The following LRMDA variants were observed in gnomAD, a reference collection of about 807,000 sequenced individuals.
LRMDA encodes the protein leucine-rich melanocyte differentiation-associated protein.
LRMDA carries 18 observed loss-of-function variants against 29.8 expected under a neutral mutation model. That is an observed-to-expected ratio of 0.60 (90% CI 0.42 to 0.90). The LOEUF is 0.90. LRMDA is among the 40% of genes least tolerant of loss of function. The probability of loss-of-function intolerance (pLI) is 0.00; values close to 1 mark genes in which losing one functional copy is unlikely to be tolerated. For synonymous variants in LRMDA, 125 were observed against 109.4 expected (o/e 1.14, Z -0.89); for missense variants, 273 against 273.9 (o/e 1.00, Z 0.02).
intron 2 of LRMDA, among the ~76,000 whole-genome samples, chr10:75,586,495 C>A (rs918329095): frequency 6.6e-6 from 1 of 151,904 alleles, no homozygotes; most frequent in East Asian, 1.9e-4. Context: ...GTAGCTGGGA[C>A]CACAGGTATG....
chr10:75,627,384 T>C (rs1304169156), intron 2 of LRMDA, among the ~76,000 whole-genome samples: 1 of 152,204 alleles, frequency 6.6e-6, no homozygotes, highest in Non-Finnish European at 1.5e-5. Flanking sequence ...GTTCTTCTGT[T>C]CTCCAGATAT....
At chr10:75,726,029 G>C (rs1436750081) in intron 2 of LRMDA, among the ~76,000 whole-genome samples, 1 of 152,204 alleles carries the variant, frequency 6.6e-6, no homozygotes, top group Non-Finnish European at 1.5e-5. Flanking sequence ...ACCGTGAAGA[G>C]AGTGTAAGTA....
At chr10:76,235,345 A>T (rs914980185) in intron 5 of LRMDA, among the ~76,000 whole-genome samples, 4 of 152,096 alleles carry the variant, frequency 2.6e-5, no homozygotes, top group African/African-American at 9.7e-5. Flanking sequence ...TAACAGATAT[A>T]ATAATAATGA....
intron 6 of LRMDA, among the ~76,000 whole-genome samples, chr10:76,539,159 A>G (rs1354312651): frequency 6.6e-6 from 1 of 152,220 alleles, no homozygotes; most frequent in Non-Finnish European, 1.5e-5. Flanking sequence ...AGAAAAAAGG[A>G]CAGTGGTGTT....
rs997253424 is a variant in LRMDA, at chr10:76,425,457, C to T, written c.601+100972C>T. On this transcript the variant is annotated intron_variant, in intron 6 of 6. Transcript: ENST00000611255. ...ACTTGGCCAAGTTGCTTAACCTCTG[C>T]GTCTCAATTTCTTAACTTTTAAAAT... is the stretch of plus-strand genomic sequence containing the variant. Among the ~76,000 whole-genome samples, 6 of 151,824 alleles carry T rather than the reference C, an allele frequency of 4.0e-5. 1 individual carries two copies. In the South Asian group the frequency reaches 8.3e-4, roughly 21 times the overall value.
In LRMDA at chr10:76,049,736, A is replaced by G. The variant is rs527780567; in HGVS notation, c.398+2433A>G. ...TTCCTGTGGCATTTGTGTTTATACA[A>G]AACAATGCAGCTGCCTTTTTTTTCT... is the stretch of plus-strand genomic sequence containing the variant. On this transcript the variant is annotated intron_variant, in intron 4 of 6. Coordinates refer to ENST00000611255, the MANE Select transcript of LRMDA (RefSeq NM_001305581.2). 5.3e-4 allele frequency among the ~76,000 whole-genome samples: 81 copies of G among 152,306 alleles called. 1 individual carries two copies. The highest frequency in any genetic ancestry group is 9.0e-4 in the Non-Finnish European group (61 of 68,028).
At chr10:75,618,101 T>C (rs1224006529) in intron 2 of LRMDA, among the ~76,000 whole-genome samples, 4 of 152,208 alleles carry the variant, frequency 2.6e-5, no homozygotes, top group African/African-American at 9.6e-5. Context: ...GAAACTGCTC[T>C]TGTATTGCTG....
chr10:76,524,856 C>G (rs1354878710), intron 6 of LRMDA, among the ~76,000 whole-genome samples: 4 of 152,148 alleles, frequency 2.6e-5, no homozygotes. Context: ...AAAATACAGA[C>G]TTAGTTCAGC....
chr10:75,485,566 T>TTGTG (rs572396511), intron 2 of LRMDA, among the ~76,000 whole-genome samples: 2 of 151,062 alleles, frequency 1.3e-5, no homozygotes, highest in Non-Finnish European at 3.0e-5. Context: ...CCAGCTAATT[T>TTGTG]TGTGTGTGTG....
At chr10:75,924,893 G>A (rs1377366922) in intron 2 of LRMDA, among the ~76,000 whole-genome samples, 3 of 152,168 alleles carry the variant, frequency 2.0e-5, no homozygotes. Context: ...AGGGGCTGGG[G>A]TTTCTCTGCT....
At chr10:75,562,183 A>G (rs1473721137) in intron 2 of LRMDA, among the ~76,000 whole-genome samples, 3 of 152,072 alleles carry the variant, frequency 2.0e-5, no homozygotes, top group Non-Finnish European at 4.4e-5. Context: ...TTTGTAGGTC[A>G]TTCAGGACTT....
intron 2 of LRMDA, among the ~76,000 whole-genome samples, chr10:75,683,763 A>G (rs1842051673): frequency 6.6e-6 from 1 of 152,218 alleles, no homozygotes; most frequent in Non-Finnish European, 1.5e-5. Flanking sequence ...TGGCTTGGCA[A>G]AGAGACTTAA....
intron 2 of LRMDA, among the ~76,000 whole-genome samples, chr10:75,733,361 T>C (rs1449185266): frequency 1.5e-4 from 23 of 152,302 alleles, no homozygotes. Flanking sequence ...TTTTCTGTGG[T>C]TTGAGTGAGA....
At chr10:75,521,730 G>C (rs1253404254) in intron 2 of LRMDA, among the ~76,000 whole-genome samples, 1 of 152,212 alleles carries the variant, frequency 6.6e-6, no homozygotes, top group African/African-American at 2.4e-5. Flanking sequence ...TGTCCAACCA[G>C]TCCCAATGAG....
intron 5 of LRMDA, among the ~76,000 whole-genome samples, chr10:76,310,506 C>A (rs1359874859): frequency 6.6e-6 from 1 of 152,110 alleles, no homozygotes; most frequent in Non-Finnish European, 1.5e-5. Flanking sequence ...CCATGCGGTT[C>A]ATGCTTCCTT....
intron 2 of LRMDA, among the ~76,000 whole-genome samples, chr10:75,832,691 ATTAGAC>A (rs1401806565): frequency 6.6e-6 from 1 of 152,256 alleles, no homozygotes; most frequent in African/African-American, 2.4e-5. Flanking sequence ...AAGAGGTTTA[ATTAGAC>A]TTACAGTTCC....
intron 2 of LRMDA, chr10:75,783,143 A>G (rs145682013): frequency 3.9e-5 from 48 of 1,236,910 alleles, no homozygotes; most frequent in Non-Finnish European, 5.1e-5. Flanking sequence ...ATTGATCTGC[A>G]TAAATCATTT....
chr10:76,237,360 A>G (rs866957589), intron 5 of LRMDA, among the ~76,000 whole-genome samples: 1 of 152,226 alleles, frequency 6.6e-6, no homozygotes, highest in Admixed American at 6.5e-5. Flanking sequence ...CTATAGGTGT[A>G]CAAGGCTTAG....
At chr10:75,459,000 A>ATTTTTTTTTTTT (rs35375766) in intron 2 of LRMDA, among the ~76,000 whole-genome samples, 3 of 148,464 alleles carry the variant, frequency 2.0e-5, no homozygotes, top group Non-Finnish European at 3.0e-5. Flanking sequence ...TCTGCTTTAG[A>ATTTTTTTTTTTT]TTTTTTTTTT....
Sources: gnomAD v4.1 joint callset for allele counts (sites outside exome capture counted in the v4.1 genomes callset) on GRCh38, gnomAD v4.1.1 for gene constraint, MANE v1.5 for transcripts, NCBI Gene and HGNC (gene_info 2026-07-23, HGNC 2026-07-21) for gene names.